Variants in SUPT3H observed in about 807,000 individuals in gnomAD.
SUPT3H encodes SPT3 homolog, SAGA and STAGA complex component, also known as transcription initiation protein SPT3 homolog.
In SUPT3H, 44 loss-of-function variants were observed where a neutral mutation model predicts 44.3. That is an observed-to-expected ratio of 0.99 (90% CI 0.78 to 1.28). The LOEUF (loss-of-function observed/expected upper bound fraction) is 1.28. SUPT3H is among the 50% of genes most tolerant of loss of function. The pLI is 0.00. For synonymous variants in SUPT3H, 124 were observed against 125.6 expected, an observed-to-expected ratio of 0.99 and a Z score of 0.09; for missense variants, 380 against 387.1, an observed-to-expected ratio of 0.98 and a Z score of 0.15.
chr6:44,842,190 C>T (rs1324148379), intron 10 of SUPT3H, among the ~76,000 whole-genome samples: 1 of 152,084 alleles, frequency 6.6e-6, no homozygotes, highest in South Asian at 2.1e-4. Flanking sequence ...TTGAGAATGA[C>T]TTGTCTTTCC....
intron 5 of SUPT3H, among the ~76,000 whole-genome samples, chr6:45,013,785 T>C (rs891100876): frequency 6.6e-5 from 10 of 152,104 alleles, no homozygotes; most frequent in African/African-American, 1.9e-4. Context: ...TGGGGTAAAA[T>C]TGTTGCCCTA....
intron 2 of SUPT3H, among the ~76,000 whole-genome samples, chr6:45,317,765 T>C (rs913150725): frequency 6.6e-5 from 10 of 152,126 alleles, no homozygotes; most frequent in African/African-American, 2.4e-4. Flanking sequence ...AAAAGCTCTA[T>C]GAAATTGGTT....
chr6:45,138,913 T>C (rs896560131), intron 2 of SUPT3H, among the ~76,000 whole-genome samples: 1 of 152,166 alleles, frequency 6.6e-6, no homozygotes, highest in Non-Finnish European at 1.5e-5. Context: ...ATAATGCACT[T>C]GTATTATTAC....
At chr6:44,942,610 G>C (rs1772637664) in intron 9 of SUPT3H, among the ~76,000 whole-genome samples, 1 of 152,152 alleles carries the variant, frequency 6.6e-6, no homozygotes, top group Non-Finnish European at 1.5e-5. Context: ...TTTTTTGTGG[G>C]TGGGGAGAGA....
At chr6:45,269,703 T>TGCCTCCCA (rs1413804360) in intron 2 of SUPT3H, among the ~76,000 whole-genome samples, 1 of 152,214 alleles carries the variant, frequency 6.6e-6, no homozygotes, top group Admixed American at 6.5e-5. Context: ...ATTGTTTGCT[T>TGCCTCCCA]TATACACTTG....
At chr6:45,116,453 A>T (rs995863440) in intron 2 of SUPT3H, among the ~76,000 whole-genome samples, 1 of 152,190 alleles carries the variant, frequency 6.6e-6, no homozygotes, top group East Asian at 1.9e-4. Context: ...AGGTATATTT[A>T]TATATGTCAT....
rs566884549 is a variant in SUPT3H at position 44,923,069 on chromosome 6, C to T, written c.912+9584G>A. On this transcript the variant is annotated intron_variant, in intron 10 of 10. Transcript: ENST00000371459. ...GATTTAGTCCTTTTAGAATATTCCA[C>T]TCAAAAGGTTTCTATTTGGTATAAA... 9.9e-5 allele frequency among the ~76,000 whole-genome samples: 15 copies of T among 152,212 alleles called. No individual in the cohort carries two copies. The East Asian group carries it at 1.7e-3, about 18-fold the overall frequency.
chr6:44,876,476 GGGAATATCATACTCTGT>G (rs1777291201), intron 10 of SUPT3H, among the ~76,000 whole-genome samples: 1 of 129,994 alleles, frequency 7.7e-6, no homozygotes. Context: ...ACACTGGAAG[GGGAATATCATACTCTGT>G]GGACTGTGGT....
intron 2 of SUPT3H, among the ~76,000 whole-genome samples, chr6:45,266,541 A>G (rs1241702265): frequency 6.6e-6 from 1 of 151,918 alleles, no homozygotes; most frequent in Non-Finnish European, 1.5e-5. Context: ...AAAATAGTAT[A>G]TTTAAATTAA....
chr6:45,019,133 G>C (rs569325560), intron 4 of SUPT3H, among the ~76,000 whole-genome samples: 14 of 152,086 alleles, frequency 9.2e-5, no homozygotes, highest in African/African-American at 3.4e-4. Context: ...GTTTATTTGC[G>C]TAGAGGTGTT....
intron 10 of SUPT3H, among the ~76,000 whole-genome samples, chr6:44,925,322 G>A (rs1368820371): frequency 6.6e-6 from 1 of 152,088 alleles, no homozygotes; most frequent in Non-Finnish European, 1.5e-5. Flanking sequence ...TCTCCAGTAA[G>A]GACTAGAGAT....
At chr6:44,948,386 AAAT>A (rs1204917980) in intron 9 of SUPT3H, among the ~76,000 whole-genome samples, 1 of 152,220 alleles carries the variant, frequency 6.6e-6, no homozygotes, top group Non-Finnish European at 1.5e-5. Context: ...CAAAATTGAC[AAAT>A]GGGATCTAAT....
At chr6:44,977,230 A>C (rs1017122738) in intron 6 of SUPT3H, among the ~76,000 whole-genome samples, 6 of 152,218 alleles carry the variant, frequency 3.9e-5, no homozygotes, top group African/African-American at 1.4e-4. Context: ...TAAAGAAGCA[A>C]AGGACTATTT....
intron 2 of SUPT3H, among the ~76,000 whole-genome samples, chr6:45,321,284 TTCC>T (rs1425577199): frequency 6.6e-6 from 1 of 152,144 alleles, no homozygotes; most frequent in Non-Finnish European, 1.5e-5. Flanking sequence ...TGAGTGAATT[TTCC>T]TCAAGTATGA....
chr6:45,008,847 C>G (rs1583026319), intron 5 of SUPT3H, among the ~76,000 whole-genome samples: 1 of 151,688 alleles, frequency 6.6e-6, no homozygotes, highest in East Asian at 1.9e-4. Context: ...TCAGGGTATT[C>G]TATTGCCTCA....
chr6:45,267,637 A>G (rs1775466404), intron 2 of SUPT3H, among the ~76,000 whole-genome samples: 1 of 152,208 alleles, frequency 6.6e-6, no homozygotes, highest in Non-Finnish European at 1.5e-5. Flanking sequence ...AGATTACAAT[A>G]TACACCATCT....
intron 2 of SUPT3H, among the ~76,000 whole-genome samples, chr6:45,306,335 C>A (rs1782999365): frequency 6.6e-6 from 1 of 152,184 alleles, no homozygotes; most frequent in African/African-American, 2.4e-5. Flanking sequence ...CCCCAACAAC[C>A]CTTGCTGCCA....
chr6:45,035,995 A>G (rs916424722), intron 3 of SUPT3H, among the ~76,000 whole-genome samples: 4 of 152,132 alleles, frequency 2.6e-5, no homozygotes, highest in Admixed American at 6.6e-5. Flanking sequence ...TGAATCTACT[A>G]TTATAATTCC....
Position 45,004,893 on chromosome 6 carries a change from A to T in SUPT3H, c.365-1101T>A, listed in dbSNP as rs538373322. Among the ~76,000 whole-genome samples the T allele has an allele frequency of 2.0e-5, 3 of 152,052 alleles. No homozygotes were observed. In the South Asian group the frequency reaches 6.2e-4, roughly 32 times the overall value. ...GATTCCTTCTTAACGGCTGTGTAAT[A>T]TTTTACAGTATGTATGTACCACAGC... is the stretch of plus-strand genomic sequence containing the variant. On this transcript the variant is annotated intron_variant, in intron 5 of 10. Transcript: ENST00000371459.
Sources: allele counts gnomAD v4.1 joint callset (sites outside exome capture counted in the v4.1 genomes callset), GRCh38; gene constraint gnomAD v4.1.1; transcripts MANE v1.5; gene names NCBI Gene and HGNC (gene_info 2026-07-23, HGNC 2026-07-21).